Variants in PATL1 observed in about 807,000 individuals in gnomAD.
PATL1 encodes PAT1 homolog 1, processing body mRNA decay factor, also known as protein PAT1 homolog 1.
In PATL1, 32 loss-of-function variants were observed where a neutral mutation model predicts 100.6. The observed-to-expected ratio is 0.32, with a 90% CI of 0.24 to 0.43. PATL1 has a LOEUF of 0.43. Among genes scored for constraint, PATL1 ranks in the 20% least tolerant of loss-of-function variants. The pLI is 1.00. For synonymous variants in PATL1, 332 were observed against 330.0 expected (o/e 1.01, Z -0.07); for missense variants, 747 against 949.9 (o/e 0.79, Z 2.81).
chr11:59,647,640 C>G (rs1861382694), intron 15 of PATL1, 114 bp downstream of exon 15: 5 of 1,130,238 alleles, frequency 4.4e-6, no homozygotes, highest in African/African-American at 1.6e-5. Flanking sequence ...AATCACACAG[C>G]CAAAGATTAG....
chr11:59,658,970 G>A (rs1271614552), intron 3 of PATL1, 24 bp from the exon 4 acceptor site: 15 of 1,532,992 alleles, frequency 9.8e-6, no homozygotes, highest in Non-Finnish European at 1.3e-5. Flanking sequence ...AAAACATACA[G>A]AGTCTGAAAT....
In PATL1 at chr11:59,659,149, A is replaced by G. The variant is rs1319077722; in HGVS notation, c.345+103T>C. 4.7e-6 allele frequency: 5 copies of G among 1,053,816 alleles called. No homozygotes were observed. In the Admixed American group the frequency reaches 1.2e-4, roughly 26 times the overall value. 65.3% of individuals were successfully genotyped at this position (1,053,816 alleles called of 1,614,324 possible). A position where few individuals can be genotyped will look rare whatever the true frequency, so the allele number is the denominator to read the frequency against. On this transcript the variant is annotated intron_variant, in intron 3 of 18. Coordinates refer to ENST00000300146, the MANE Select transcript of PATL1 (RefSeq NM_152716.3). ...ATATATTATCAATTTTCTATGGTAT[A>G]TGTAAATCTCTCATTATAATAGATA...
Position 59,659,303 on chromosome 11 carries a change from T to C in PATL1, c.294A>G (p.Glu98=), listed in dbSNP as rs1272513295. Residue 98 remains glutamate (E), a synonymous_variant, in exon 3 of 19, where the codon GAA becomes GAG. Transcript: ENST00000300146. ...ERLSKMVIEN[E]LEDPAIMRAV... Reference sequence around the variant, plus strand: ...CCCTCATAATAGCTGGATCTTCTAGTTCATTTTCAATCACCATCTTACTGA... The same window carrying C: ...CCCTCATAATAGCTGGATCTTCTAGCTCATTTTCAATCACCATCTTACTGA... 1 of 1,551,476 alleles carries C rather than the reference T, an allele frequency of 6.4e-7. No homozygotes were observed. Among genetic ancestry groups the C allele is most frequent in the Admixed American group, 2.0e-5 (1 of 51,002 alleles).
At chr11:59,667,937 T>C (rs905020365) in intron 1 of PATL1, among the ~76,000 whole-genome samples, 2 of 152,206 alleles carry the variant, frequency 1.3e-5, no homozygotes, top group African/African-American at 4.8e-5. Flanking sequence ...GTAGGTACGT[T>C]TGTGATACAC....
rs1008734450 is a variant in PATL1 at position 59,639,548 on chromosome 11, A to G, written c.2050-165T>C. 2.0e-5 allele frequency: 12 copies of G among 600,964 alleles called. No homozygotes were observed. In the African/African-American group the frequency reaches 2.0e-4, roughly 10 times the overall value. The allele number at this position is 600,964 out of a possible 1,614,324, so 37.2% of individuals were successfully genotyped here. On this transcript the variant is annotated intron_variant, in intron 16 of 18. Transcript: ENST00000300146. Reference sequence around the variant, plus strand: ...TAAAGATCAGACAAGCATGAGTTGAAAGGCTATGTCTCTCTCCAGGCTTTA... The same window carrying G: ...TAAAGATCAGACAAGCATGAGTTGAGAGGCTATGTCTCTCTCCAGGCTTTA...
At chr11:59,667,419 G>A (rs1861706413) in intron 1 of PATL1, among the ~76,000 whole-genome samples, 1 of 152,008 alleles carries the variant, frequency 6.6e-6, no homozygotes, top group Non-Finnish European at 1.5e-5. Flanking sequence ...CCGTTTTAAA[G>A]CTTTGTCTTC....
Position 59,656,052 on chromosome 11 carries a change from TAAA to T in PATL1, c.724-10_724-8del, listed in dbSNP as rs750390194. 0.051 allele frequency: 37,287 copies of T among 736,204 alleles called. No individual in the cohort carries two copies. Among genetic ancestry groups the T allele is most frequent in the Middle Eastern group, 0.067 (150 of 2,250 alleles). 45.6% of individuals were successfully genotyped at this position (736,204 alleles called of 1,614,324 possible). A position where few individuals can be genotyped will look rare whatever the true frequency, so the allele number is the denominator to read the frequency against. On this transcript the variant is annotated splice_polypyrimidine_tract_variant and splice_region_variant and intron_variant, in intron 6 of 18. Coordinates refer to ENST00000300146, the MANE Select transcript of PATL1 (RefSeq NM_152716.3). ...GACCCAGGAGGGAAGAGTTCTAAGGTAAAAAAAAAAAAAAAAAAAAGAATATGC... is the reference window on the plus strand; with the variant it reads ...GACCCAGGAGGGAAGAGTTCTAAGGTAAAAAAAAAAAAAAAAAGAATATGC...
rs193207298 is a variant in PATL1, at chr11:59,657,770, T to A, written c.427-46A>T. 5.5e-6 allele frequency: 8 copies of A among 1,447,060 alleles called. No individual in the cohort carries two copies. The African/African-American group carries it at 9.8e-5, about 18-fold the overall frequency. The allele number at this position is 1,447,060 out of a possible 1,614,324, so 89.6% of individuals were successfully genotyped here. A position where few individuals can be genotyped will look rare whatever the true frequency, so the allele number is the denominator to read the frequency against. On this transcript the variant is annotated intron_variant, in intron 4 of 18. Transcript: ENST00000300146. ...ATAAAATAGAAATTAACTAACTTGGTATGTTTTAGTAATCTCTACAGATGC... is the reference window on the plus strand; with the variant it reads ...ATAAAATAGAAATTAACTAACTTGGAATGTTTTAGTAATCTCTACAGATGC...
chr11:59,649,693 C>T (rs1861414068), intron 13 of PATL1, 83 bp from the exon 14 acceptor site: 20 of 1,331,938 alleles, frequency 1.5e-5, no homozygotes, highest in Non-Finnish European at 1.9e-5. Flanking sequence ...TTTAGGACTA[C>T]TAGCTAAAGA....
chr11:59,645,348 T>C (rs1161442461), intron 15 of PATL1, among the ~76,000 whole-genome samples: 65 of 132,764 alleles, frequency 4.9e-4, no homozygotes, highest in South Asian at 1.5e-3. Context: ...CACTTCCCAG[T>C]AGGGGCGGCC....
At chr11:59,646,002 T>C (rs560111806) in intron 15 of PATL1, among the ~76,000 whole-genome samples, 1 of 152,316 alleles carries the variant, frequency 6.6e-6, no homozygotes, top group Non-Finnish European at 1.5e-5. Flanking sequence ...GTAAGCTCCA[T>C]GAAAGCAGGC....
At chr11:59,653,429 A>G (rs770586279) in intron 9 of PATL1, among the ~76,000 whole-genome samples, 4 of 152,220 alleles carry the variant, frequency 2.6e-5, no homozygotes, top group Non-Finnish European at 5.9e-5. Context: ...AAGTCTACAT[A>G]AATTGTTTTA....
intron 12 of PATL1, among the ~76,000 whole-genome samples, chr11:59,651,258 G>C (rs567793856): frequency 6.6e-6 from 1 of 152,148 alleles, no homozygotes. Flanking sequence ...AAAACACATA[G>C]AAAATGATAA....
intron 10 of PATL1, 67 bp downstream of exon 10, chr11:59,652,771 T>C (rs933245278): frequency 1.3e-6 from 2 of 1,531,304 alleles, no homozygotes; most frequent in Non-Finnish European, 1.8e-6. Flanking sequence ...TACCAATATT[T>C]AAATGAATAC....
At chr11:59,656,180 GAA>G (rs1255582111) in intron 6 of PATL1, 135 bp from the exon 7 acceptor site, 1 of 578,382 alleles carries the variant, frequency 1.7e-6, no homozygotes, top group Non-Finnish European at 2.9e-6. Context: ...CTCTGGAATA[GAA>G]AAAAAGAGTA....
intron 14 of PATL1, 94 bp downstream of exon 14, chr11:59,649,368 G>C (rs965226805): frequency 3.9e-6 from 5 of 1,285,236 alleles, no homozygotes; most frequent in Non-Finnish European, 3.2e-6. Context: ...AGAGATGGTA[G>C]GGAAGTGTAC....
Position 59,638,290 on chromosome 11 carries a change from GA to G in PATL1, c.*99del. ...CGATCCCACAAGACTTTGCTTTGGG[GA>G]AAAAGCTACCTTCCTTCCCTCATTA... is the stretch of plus-strand genomic sequence containing the variant. On this transcript the variant is annotated 3_prime_UTR_variant, in exon 19 of 19. Coordinates refer to ENST00000300146, the MANE Select transcript of PATL1 (RefSeq NM_152716.3). The G allele has an allele frequency of 7.8e-7, 1 of 1,282,652 alleles. No homozygotes were observed. The highest frequency in any genetic ancestry group is 1.1e-6 in the Non-Finnish European group (1 of 897,588). The allele number at this position is 1,282,652 out of a possible 1,614,324, so 79.5% of individuals were successfully genotyped here. A position where few individuals can be genotyped will look rare whatever the true frequency, so the allele number is the denominator to read the frequency against.
chr11:59,667,885 T>C (rs1861712780), intron 1 of PATL1, among the ~76,000 whole-genome samples: 1 of 152,238 alleles, frequency 6.6e-6, no homozygotes, highest in Admixed American at 6.5e-5. Flanking sequence ...ATACCTGTCC[T>C]CAATTTTCAA....
intron 12 of PATL1, among the ~76,000 whole-genome samples, chr11:59,651,163 G>A (rs1229733041): frequency 6.6e-6 from 1 of 152,110 alleles, no homozygotes; most frequent in Non-Finnish European, 1.5e-5. Context: ...CTTATGTCAT[G>A]GGGGTTGTAC....
Sources: allele counts gnomAD v4.1 joint callset (sites outside exome capture counted in the v4.1 genomes callset), GRCh38; gene constraint gnomAD v4.1.1; transcripts MANE v1.5; gene names NCBI Gene and HGNC (gene_info 2026-07-23, HGNC 2026-07-21).